Variants in ZC3H3 observed in about 807,000 individuals in gnomAD.
The protein encoded by ZC3H3 is zinc finger CCCH domain-containing protein 3.
ZC3H3 carries 36 observed loss-of-function variants against 77.3 expected under a neutral mutation model. The observed-to-expected ratio is 0.47, with a 90% CI of 0.36 to 0.61. The LOEUF is 0.61. Among genes scored for constraint, ZC3H3 ranks in the 20% least tolerant of loss-of-function variants. ZC3H3 has a pLI of 0.00. For missense variants in ZC3H3, 1,331 were observed against 1,312.2 expected, an observed-to-expected ratio of 1.01 and a Z score of -0.22; for synonymous variants, 626 against 555.2, an observed-to-expected ratio of 1.13 and a Z score of -1.79.
At chr8:143,444,760 T>G (rs1223171406) in intron 9 of ZC3H3, among the ~76,000 whole-genome samples, 2 of 152,174 alleles carry the variant, frequency 1.3e-5, no homozygotes, top group Non-Finnish European at 2.9e-5. Context: ...CCAGAAAGCA[T>G]CACATGTCAA....
chr8:143,441,208 C>T (rs1184854632), intron 9 of ZC3H3, 88 bp from the exon 10 acceptor site: 6 of 1,307,810 alleles, frequency 4.6e-6, no homozygotes, highest in South Asian at 2.0e-5. Flanking sequence ...CCAGGCCCCC[C>T]GAGTACCCAC....
Position 143,520,788 on chromosome 8 carries a change from T to C in ZC3H3, c.1562-12889A>G, listed in dbSNP as rs149302827. Among the ~76,000 whole-genome samples the C allele has an allele frequency of 2.6e-4, 39 of 152,260 alleles. 1 individual carries two copies. Among genetic ancestry groups the C allele is most frequent in the African/African-American group, 8.7e-4 (36 of 41,556 alleles). ...AATCTCACAGTGTCCTTCTGCCCCA[T>C]GGGACAGAACATCTGATTTCCCACT... On this transcript the variant is annotated intron_variant, in intron 3 of 11. Transcript: ENST00000262577.
intron 3 of ZC3H3, among the ~76,000 whole-genome samples, chr8:143,520,209 G>A (rs1377404531): frequency 6.6e-6 from 1 of 152,224 alleles, no homozygotes; most frequent in Non-Finnish European, 1.5e-5. Flanking sequence ...AGAGGCAGGT[G>A]GGGTCTCCCC....
intron 11 of ZC3H3, 89 bp from the exon 12 acceptor site, chr8:143,438,176 G>A: frequency 6.6e-7 from 1 of 1,520,042 alleles, no homozygotes; most frequent in South Asian, 1.2e-5. Context: ...TCAGGATCGG[G>A]GGGCTCTGTC....
At chr8:143,453,449 C>G (rs1820038575) in intron 9 of ZC3H3, among the ~76,000 whole-genome samples, 1 of 152,092 alleles carries the variant, frequency 6.6e-6, no homozygotes, top group Non-Finnish European at 1.5e-5. Context: ...AACTAGACAC[C>G]ATGGAGGACA....
chr8:143,440,824 G>A, intron 10 of ZC3H3, 112 bp downstream of exon 10: 1 of 1,184,434 alleles, frequency 8.4e-7, no homozygotes, highest in Non-Finnish European at 1.1e-6. Context: ...TTTCTGGTCT[G>A]AGGCCCAAAG....
At chr8:143,438,487 C>T (rs898219583) in intron 11 of ZC3H3, among the ~76,000 whole-genome samples, 36 of 152,202 alleles carry the variant, frequency 2.4e-4, no homozygotes, top group African/African-American at 6.3e-4. Context: ...GCCAGACACA[C>T]GAGGCGGCCA....
intron 9 of ZC3H3, among the ~76,000 whole-genome samples, chr8:143,461,640 C>T (rs1388419983): frequency 1.3e-5 from 2 of 152,140 alleles, no homozygotes; most frequent in East Asian, 1.9e-4. Context: ...GCCTCTGCAG[C>T]GGCTTGACTC....
intron 3 of ZC3H3, among the ~76,000 whole-genome samples, chr8:143,518,180 T>TG (rs1245235293): frequency 4.6e-5 from 7 of 152,086 alleles, no homozygotes; most frequent in Admixed American, 4.6e-4. Flanking sequence ...GGCTCCTGTC[T>TG]GGGGGGACCC....
Position 143,440,140 on chromosome 8 carries a change from G to A in ZC3H3, c.2716C>T (p.Leu906Phe). 1 of 1,611,800 alleles carries A rather than the reference G, an allele frequency of 6.2e-7. No homozygotes were observed. The stretch of plus-strand genomic sequence containing the variant: ...GAGATGAAGGAAGGCAGCTTGCAGA[G>A]CCTGTTGGAGCACGCTGCTGCTAAG... Reference protein sequence around the residue: ...AALAAACSNRLCKLPSFISLQ... With the variant: ...AALAAACSNRFCKLPSFISLQ... Residue 906 changes from leucine (L) to phenylalanine (F), a missense_variant, in exon 11 of 12, where the codon CTC becomes TTC. This residue lies in a region of ZC3H3 where 249 missense variants were observed against 236.9 expected (regional missense o/e 1.05). Coordinates refer to ENST00000262577, the MANE Select transcript of ZC3H3 (RefSeq NM_015117.3).
At position 143,494,133 on chromosome 8, in the gene ZC3H3, C is replaced by T. The variant is rs547993560; in HGVS notation, c.1715+13613G>A. 1.4e-3 allele frequency among the ~76,000 whole-genome samples: 215 copies of T among 152,270 alleles called. No homozygotes were observed. The highest frequency in any genetic ancestry group is 3.4e-3 in the Middle Eastern group (1 of 294). ...CTGAGGGCCATCCCCACAGGCCTCC[C>T]CAGGGCCAGGATGGGCCCCAAGACC... On this transcript the variant is annotated intron_variant, in intron 4 of 11. Transcript: ENST00000262577. The surrounding 1 kb of genome is among the most constrained non-coding windows in gnomAD (Gnocchi z 5.3).
intron 1 of ZC3H3, among the ~76,000 whole-genome samples, chr8:143,541,026 C>A (rs1421139449): frequency 6.6e-6 from 1 of 152,256 alleles, no homozygotes; most frequent in Non-Finnish European, 1.5e-5. Context: ...GAGCCATGAA[C>A]TAGTCCCAGC....
chr8:143,444,482 G>A lies in ZC3H3; in HGVS notation c.2308-3362C>T, dbSNP rs546029014. Among the ~76,000 whole-genome samples the A allele has an allele frequency of 2.0e-4, 31 of 152,250 alleles. No individual in the cohort carries two copies. The East Asian group carries it at 3.7e-3, about 18-fold the overall frequency. ...AAAAAGTCCTACACAAATTATAAAC[G>A]AGAGTCTTGCAATGTGTAAAAACAC... On this transcript the variant is annotated intron_variant, in intron 9 of 11. Coordinates refer to ENST00000262577, the MANE Select transcript of ZC3H3 (RefSeq NM_015117.3).
rs778454038 is a variant in ZC3H3, at chr8:143,441,070, C to T, written c.2358G>A (p.Ala786=). The T allele has an allele frequency of 5.2e-5, 77 of 1,469,658 alleles. No homozygotes were observed. The highest frequency in any genetic ancestry group is 6.3e-5 in the Non-Finnish European group (71 of 1,121,680). 91.0% of individuals were successfully genotyped at this position (1,469,658 alleles called of 1,614,324 possible). The change falls in exon 10 of 12, where the codon GCG becomes GCA. Residue 786 remains alanine (A), a synonymous_variant. Transcript: ENST00000262577. ...LLCPDFARRG[A]CPRGAQCQLL... is the part of the protein sequence containing the mutation. ...GCTGGCACTGGGCGCCGCGGGGACA[C>T]GCCCCCCTGCGGGCAAAGTCGGGGC...
At chr8:143,515,198 G>A (rs1008158472) in intron 3 of ZC3H3, among the ~76,000 whole-genome samples, 12 of 152,334 alleles carry the variant, frequency 7.9e-5, no homozygotes, top group African/African-American at 2.4e-4. Context: ...TCTCTTCCCC[G>A]ACCACACATG....
chr8:143,512,358 G>C (rs1355147493), intron 3 of ZC3H3, among the ~76,000 whole-genome samples: 1 of 152,240 alleles, frequency 6.6e-6, no homozygotes, highest in Non-Finnish European at 1.5e-5. Flanking sequence ...CACTGCCTAT[G>C]TCCTTCTCTG....
intron 8 of ZC3H3, among the ~76,000 whole-genome samples, chr8:143,466,414 G>C (rs189387922): frequency 8.7e-4 from 133 of 152,380 alleles, no homozygotes; most frequent in Admixed American, 4.6e-3. Flanking sequence ...TGGAGGCCAA[G>C]GCTGTCAGCA....
chr8:143,473,948 T>C (rs1274143521), intron 5 of ZC3H3, among the ~76,000 whole-genome samples: 4 of 152,134 alleles, frequency 2.6e-5, no homozygotes, highest in Non-Finnish European at 4.4e-5. Context: ...AACAGCTGTG[T>C]GTAGCCCCAC....
intron 5 of ZC3H3, among the ~76,000 whole-genome samples, chr8:143,472,608 C>T (rs565381602): frequency 6.6e-6 from 1 of 152,342 alleles, no homozygotes; most frequent in African/African-American, 2.4e-5. Context: ...AACCTGCTGC[C>T]TGCCACAGGC....
Sources: gnomAD v4.1 joint callset for allele counts (sites outside exome capture counted in the v4.1 genomes callset) on GRCh38, gnomAD v4.1.1 for gene constraint, gnomAD v4.1.1 regional missense constraint, Gnocchi (gnomAD v3.1) non-coding constraint, MANE v1.5 for transcripts, NCBI Gene and HGNC (gene_info 2026-07-23, HGNC 2026-07-21) for gene names.